RWDD2A: variants seen among roughly 807,000 people sequenced by gnomAD.
The protein encoded by RWDD2A is RWD domain containing 2A, also known as RWD domain-containing protein 2A.
A neutral mutation model predicts 23.1 loss-of-function variants in RWDD2A; 15 were observed. The ratio of observed to expected loss-of-function variants is 0.65; its 90% CI spans 0.43 to 1.00. The LOEUF (loss-of-function observed/expected upper bound fraction) is 1.00, where lower values mean the gene tolerates loss of function less well. Ranked by LOEUF, RWDD2A falls within the 50% of genes least tolerant of loss-of-function variation. The pLI, the probability that RWDD2A is intolerant of heterozygous loss-of-function variation, is 0.00. For missense variants in RWDD2A, 310 were observed against 341.7 expected, an observed-to-expected ratio of 0.91 and a Z score of 0.73; for synonymous variants, 103 against 123.0, an observed-to-expected ratio of 0.84 and a Z score of 1.08.
chr6:83,196,496 A>T lies in RWDD2A; in HGVS notation c.*224A>T. 3.1e-6 allele frequency: 1 copy of T among 319,008 alleles called. No homozygotes were observed. Among genetic ancestry groups the T allele is most frequent in the Non-Finnish European group, 5.6e-6 (1 of 177,068 alleles). The allele number at this position is 319,008 out of a possible 1,614,324, so 19.8% of individuals were successfully genotyped here. On this transcript the variant is annotated 3_prime_UTR_variant, in exon 3 of 3. Coordinates refer to ENST00000369724, the MANE Select transcript of RWDD2A (RefSeq NM_033411.5). ...TCTAGGTTTTTGTGTGAAGTCATTC[A>T]AAAACTATTTCATTGTAAATTAATA...
chr6:83,195,574 C>A, intron 2 of RWDD2A, 21 bp from the exon 3 acceptor site: 1 of 1,591,790 alleles, frequency 6.3e-7, no homozygotes, highest in Non-Finnish European at 8.6e-7. Flanking sequence ...GTATTTAAAT[C>A]TATTTGATTT....
In RWDD2A at chr6:83,196,318, T is replaced by A. The variant is rs753347552; in HGVS notation, c.*46T>A. ...GCCTGTAATTTCACTAAGTCAGTAT[T>A]TCTGTTAATAAGACCAAATTAAAAA... On this transcript the variant is annotated 3_prime_UTR_variant, in exon 3 of 3. Coordinates refer to ENST00000369724, the MANE Select transcript of RWDD2A (RefSeq NM_033411.5). The A allele has an allele frequency of 2.8e-6, 4 of 1,448,280 alleles. No individual in the cohort carries two copies. Among genetic ancestry groups the A allele is most frequent in the African/African-American group, 1.4e-5 (1 of 70,404 alleles). The allele number at this position is 1,448,280 out of a possible 1,614,324, so 89.7% of individuals were successfully genotyped here. A position where few individuals can be genotyped will look rare whatever the true frequency, so the allele number is the denominator to read the frequency against.
rs1193762150 is a variant in RWDD2A, at chr6:83,194,571, A to T, written c.120A>T (p.Ile40=). The stretch of plus-strand genomic sequence containing the variant: ...AAGATGTAAATGCCCTGACGAATAT[A>T]AAGAGGTATTTGGAAGGCACAAGGG... ...KLEDVNALTN[I]KRYLEGTREA... Residue 40 remains isoleucine (I), a synonymous_variant, in exon 2 of 3, where the codon ATA becomes ATT. Transcript: ENST00000369724. 2 of 1,614,162 alleles carry T rather than the reference A, an allele frequency of 1.2e-6. No homozygotes were observed. Among genetic ancestry groups the T allele is most frequent in the South Asian group, 1.1e-5 (1 of 91,078 alleles).
At chr6:83,195,486 T>C in intron 2 of RWDD2A, 109 bp from the exon 3 acceptor site, 1 of 870,672 alleles carries the variant, frequency 1.1e-6, no homozygotes, top group Non-Finnish European at 1.8e-6. Flanking sequence ...GTAAAGTACC[T>C]GGTACATTTA....
In RWDD2A at chr6:83,193,363, C is replaced by A. The variant is rs1014633289; in HGVS notation, c.-221C>A. On this transcript the variant is annotated 5_prime_UTR_variant, in exon 1 of 3. Transcript: ENST00000369724. ...GCCCCGCCCCCGCCTCGCCGCAGGT[C>A]GCGCGCAGCTGGCGCCTGAGGAACT... 6.6e-6 allele frequency: 1 copy of A among 152,184 alleles called. No homozygotes were observed. Among genetic ancestry groups the A allele is most frequent in the South Asian group, 2.1e-4 (1 of 4,830 alleles). The allele number at this position is 152,184 out of a possible 1,614,324, so 9.4% of individuals were successfully genotyped here.
In RWDD2A at chr6:83,194,389, C is replaced by G. The variant is rs971940464; in HGVS notation, c.-63C>G. On this transcript the variant is annotated 5_prime_UTR_variant, in exon 2 of 3. Coordinates refer to ENST00000369724, the MANE Select transcript of RWDD2A (RefSeq NM_033411.5). ...GGAAATTTCGCTGGATACCGGCTGGCATTGACAAACCCAGCGTCCCTGAGC... is the reference window on the plus strand; with the variant it reads ...GGAAATTTCGCTGGATACCGGCTGGGATTGACAAACCCAGCGTCCCTGAGC... 3.4e-6 allele frequency: 5 copies of G among 1,481,614 alleles called. No homozygotes were observed. The African/African-American group carries it at 5.6e-5, about 17-fold the overall frequency. 91.8% of individuals were successfully genotyped at this position (1,481,614 alleles called of 1,614,324 possible).
rs984741316 is a variant in RWDD2A at position 83,197,046 on chromosome 6, A to T, written c.*774A>T. The T allele has an allele frequency of 3.9e-5, 6 of 152,220 alleles. No individual in the cohort carries two copies. Among genetic ancestry groups the T allele is most frequent in the African/African-American group, 9.7e-5 (4 of 41,450 alleles). 9.4% of individuals were successfully genotyped at this position (152,220 alleles called of 1,614,324 possible). On this transcript the variant is annotated 3_prime_UTR_variant, in exon 3 of 3. Coordinates refer to ENST00000369724, the MANE Select transcript of RWDD2A (RefSeq NM_033411.5). ...GAGTGTTTTAGTAAAACTAGATCCTAATAGCAGTGGCAAAGGACTCATAGA... is the reference window on the plus strand; with the variant it reads ...GAGTGTTTTAGTAAAACTAGATCCTTATAGCAGTGGCAAAGGACTCATAGA...
chr6:83,195,441 A>G, intron 2 of RWDD2A, 154 bp from the exon 3 acceptor site: 2 of 664,308 alleles, frequency 3.0e-6, no homozygotes, highest in Non-Finnish European at 5.0e-6. Context: ...TTCAATAAAT[A>G]TTGAAATAAT....
Position 83,198,541 on chromosome 6 carries a change from G to T in RWDD2A, c.*2269G>T, listed in dbSNP as rs1789681889. On this transcript the variant is annotated 3_prime_UTR_variant, in exon 3 of 3. Transcript: ENST00000369724. ...AGCCTGATATGAGCACATAATAAAA[G>T]TCCGTCATTCCCCAACCCCCTCCCC... 1 of 151,330 alleles carries T rather than the reference G, an allele frequency of 6.6e-6. No individual in the cohort carries two copies. The highest frequency in any genetic ancestry group is 2.4e-5 in the African/African-American group (1 of 41,142). The allele number at this position is 151,330 out of a possible 1,614,324, so 9.4% of individuals were successfully genotyped here.
chr6:83,196,214 A>G lies in RWDD2A; in HGVS notation c.821A>G (p.Lys274Arg). ...GQFLEFLKKH[K>R]SEHVFQILFG... ...TTCTTAGAATTTCTCAAGAAGCACAAAAGTGAGCATGTTTTTCAGATACTA... is the reference window on the plus strand; with the variant it reads ...TTCTTAGAATTTCTCAAGAAGCACAGAAGTGAGCATGTTTTTCAGATACTA... Residue 274 changes from lysine to arginine, a missense_variant, in exon 3 of 3, where the codon AAA becomes AGA. Coordinates refer to ENST00000369724, the MANE Select transcript of RWDD2A (RefSeq NM_033411.5). 6.2e-7 allele frequency: 1 copy of G among 1,602,588 alleles called. No individual in the cohort carries two copies.
chr6:83,198,175 G>T lies in RWDD2A; in HGVS notation c.*1903G>T, dbSNP rs543352093. On this transcript the variant is annotated 3_prime_UTR_variant, in exon 3 of 3. Transcript: ENST00000369724. ...TACAAGTTTTAGGCCTTCAACAGAT[G>T]TAACTCCATCCAAATGAATCAATAT... The T allele has an allele frequency of 7.0e-4, 106 of 152,316 alleles. No homozygotes were observed. The highest frequency in any genetic ancestry group is 2.4e-3 in the African/African-American group (101 of 41,570). The allele number at this position is 152,316 out of a possible 1,614,324, so 9.4% of individuals were successfully genotyped here.
chr6:83,196,032 C>A lies in RWDD2A; in HGVS notation c.639C>A (p.Tyr213Ter). 3.7e-6 allele frequency: 6 copies of A among 1,613,890 alleles called. No individual in the cohort carries two copies. Among genetic ancestry groups the A allele is most frequent in the Non-Finnish European group, 5.1e-6 (6 of 1,179,838 alleles). Residue 213 changes from tyrosine to a stop codon, truncating the protein, a stop_gained, in exon 3 of 3, where the codon TAC becomes TAA. Transcript: ENST00000369724. LOFTEE classifies it high-confidence loss of function. ...AGGAGTTCTGGCACACAATTAGGTA[C>A]CCCAATTGGAAGCACATTTCCTGTA... is the stretch of plus-strand genomic sequence containing the variant. ...HCEEFWHTIR[Y>*]PNWKHISCKH...
At chr6:83,194,204 G>C in intron 1 of RWDD2A, 108 bp from the exon 2 acceptor site, 1 of 413,774 alleles carries the variant, frequency 2.4e-6, no homozygotes. Flanking sequence ...CCGGAGCCCG[G>C]GTACGCAGAA....
chr6:83,194,381 C>T lies in RWDD2A; in HGVS notation c.-71C>T. On this transcript the variant is annotated 5_prime_UTR_variant, in exon 2 of 3. Transcript: ENST00000369724. ...GACCTTCGGGAAATTTCGCTGGATACCGGCTGGCATTGACAAACCCAGCGT... is the reference window on the plus strand; with the variant it reads ...GACCTTCGGGAAATTTCGCTGGATATCGGCTGGCATTGACAAACCCAGCGT... 1.4e-6 allele frequency: 2 copies of T among 1,422,934 alleles called. No homozygotes were observed. The allele number at this position is 1,422,934 out of a possible 1,614,324, so 88.1% of individuals were successfully genotyped here. A position where few individuals can be genotyped will look rare whatever the true frequency, so the allele number is the denominator to read the frequency against.
chr6:83,196,151 A>G lies in RWDD2A; in HGVS notation c.758A>G (p.Tyr253Cys). 6.2e-7 allele frequency: 1 copy of G among 1,614,028 alleles called. No homozygotes were observed. The highest frequency in any genetic ancestry group is 8.5e-7 in the Non-Finnish European group (1 of 1,179,978). ...TTACTCCTTGAGGCTCATGGTGACT[A>G]TGGATTAAGGAATGACTATCACATG... ...EELLLEAHGDYGLRNDYHMNL... is the reference protein window; with the variant it reads ...EELLLEAHGDCGLRNDYHMNL... The change falls in exon 3 of 3, where the codon TAT becomes TGT. Residue 253 changes from tyrosine (Y) to cysteine (C), a missense_variant. Coordinates refer to ENST00000369724, the MANE Select transcript of RWDD2A (RefSeq NM_033411.5).
chr6:83,194,350 TA>T lies in RWDD2A; in HGVS notation c.-99del. On this transcript the variant is annotated 5_prime_UTR_variant, in exon 2 of 3. Transcript: ENST00000369724. Reference sequence around the variant, plus strand: ...GCGTTCCTGCAGAATTGCTTCCACGTAAAGGGACCTTCGGGAAATTTCGCTG... The same window carrying T: ...GCGTTCCTGCAGAATTGCTTCCACGTAAGGGACCTTCGGGAAATTTCGCTG... 1 of 1,018,892 alleles carries T rather than the reference TA, an allele frequency of 9.8e-7. No individual in the cohort carries two copies. The highest frequency in any genetic ancestry group is 1.4e-6 in the Non-Finnish European group (1 of 698,510). 63.1% of individuals were successfully genotyped at this position (1,018,892 alleles called of 1,614,324 possible). A position where few individuals can be genotyped will look rare whatever the true frequency, so the allele number is the denominator to read the frequency against.
Position 83,195,970 on chromosome 6 carries a change from G to T in RWDD2A, c.577G>T (p.Gly193Cys). 6.2e-7 allele frequency: 1 copy of T among 1,614,172 alleles called. No homozygotes were observed. The change falls in exon 3 of 3, where the codon GGT (glycine) becomes TGT (cysteine). Residue 193 changes from glycine (G) to cysteine (C), a missense_variant. Coordinates refer to ENST00000369724, the MANE Select transcript of RWDD2A (RefSeq NM_033411.5). ...VTGFCMTGKPGIICVEGFKEH... is the reference protein window; with the variant it reads ...VTGFCMTGKPCIICVEGFKEH... ...TGGATTTTGCATGACAGGAAAGCCT[G>T]GTATAATCTGTGTGGAGGGTTTCAA...
At chr6:83,193,577 C>A (rs1343475665) in intron 1 of RWDD2A, 134 bp downstream of exon 1, 1 of 151,322 alleles carries the variant, frequency 6.6e-6, no homozygotes, top group East Asian at 2.0e-4. Context: ...CCTGGGAAGC[C>A]GGGGTTCCTA....
chr6:83,194,005 C>T, intron 1 of RWDD2A: 1 of 153,846 alleles, frequency 6.5e-6, no homozygotes, highest in East Asian at 2.0e-4. Flanking sequence ...CGGCCTCTCT[C>T]GCCGCAGCGT....
Sources: gnomAD v4.1 joint callset for allele counts on GRCh38, gnomAD v4.1.1 for gene constraint, MANE v1.5 for transcripts, NCBI Gene and HGNC (gene_info 2026-07-23, HGNC 2026-07-21) for gene names.